AK8: variants seen among roughly 807,000 people sequenced by gnomAD.
AK8 encodes ATP-AMP transphosphorylase 8.
AK8 carries 44 observed loss-of-function variants against 54.6 expected under a neutral mutation model. The observed-to-expected ratio is 0.81, with a 90% confidence interval of 0.63 to 1.04. The LOEUF is 1.04. AK8 is among the 50% of genes least tolerant of loss of function. The pLI is 0.00. For missense variants in AK8, 555 were observed against 613.6 expected (o/e 0.90, Z 1.01); for synonymous variants, 239 against 245.6 (o/e 0.97, Z 0.25).
chr9:132,877,558 G>C (rs969021245), intron 1 of AK8, among the ~76,000 whole-genome samples: 1 of 152,208 alleles, frequency 6.6e-6, no homozygotes, highest in African/African-American at 2.4e-5. Context: ...GGCCCTGGCG[G>C]GGACGGGGCC....
chr9:132,745,774 G>A (rs568331596), intron 11 of AK8, among the ~76,000 whole-genome samples: 2 of 152,244 alleles, frequency 1.3e-5, no homozygotes, highest in Non-Finnish European at 2.9e-5. Context: ...CAATCCCCAA[G>A]CTAAGGGTTT....
intron 1 of AK8, among the ~76,000 whole-genome samples, chr9:132,877,297 G>C (rs1844161192): frequency 6.6e-6 from 1 of 152,208 alleles, no homozygotes; most frequent in African/African-American, 2.4e-5. Context: ...TTTGATGGAG[G>C]TGCAGACACG....
At chr9:132,798,378 A>T (rs967856414) in intron 10 of AK8, among the ~76,000 whole-genome samples, 1 of 152,184 alleles carries the variant, frequency 6.6e-6, no homozygotes. Flanking sequence ...CCAGCTCAGC[A>T]CAAAGCTGAG....
In AK8 at chr9:132,876,992, G is replaced by C. The variant is rs1350562376; in HGVS notation, c.84+1180C>G. ...AAGGCAGAAGGATTGCTTGAGCCCAGGAGTTCAAGGCTGCAGTAAGCCATG... is the reference window on the plus strand; with the variant it reads ...AAGGCAGAAGGATTGCTTGAGCCCACGAGTTCAAGGCTGCAGTAAGCCATG... On this transcript the variant is annotated intron_variant, in intron 1 of 12. Coordinates refer to ENST00000298545, the MANE Select transcript of AK8 (RefSeq NM_152572.3). 1.3e-5 allele frequency among the ~76,000 whole-genome samples: 2 copies of C among 152,178 alleles called. 1 individual carries two copies. Among genetic ancestry groups the C allele is most frequent in the South Asian group, 4.1e-4 (2 of 4,826 alleles).
chr9:132,820,930 T>C lies in AK8; in HGVS notation c.889+2275A>G, dbSNP rs1841569009. ...GGTTTACTTAAATCTCATGACATCT[T>C]GTATTTATCAAGAACACCTTTGAGA... On this transcript the variant is annotated intron_variant, in intron 9 of 12. Coordinates refer to ENST00000298545, the MANE Select transcript of AK8 (RefSeq NM_152572.3). Among the ~76,000 whole-genome samples, 6 of 152,202 alleles carry C rather than the reference T, an allele frequency of 3.9e-5. No individual in the cohort carries two copies. The South Asian group carries it at 1.2e-3, about 32-fold the overall frequency.
intron 9 of AK8, among the ~76,000 whole-genome samples, chr9:132,821,556 T>G (rs1173837509): frequency 6.6e-6 from 1 of 152,148 alleles, no homozygotes; most frequent in Non-Finnish European, 1.5e-5. Context: ...ATCTTCATTT[T>G]AGGTGTGTGA....
At chr9:132,857,134 C>T (rs553030342) in intron 4 of AK8, among the ~76,000 whole-genome samples, 7 of 152,278 alleles carry the variant, frequency 4.6e-5, no homozygotes, top group East Asian at 1.9e-4. Flanking sequence ...CTTATCCTAC[C>T]GCCCCCTTCC....
intron 11 of AK8, among the ~76,000 whole-genome samples, chr9:132,735,385 A>C (rs571660483): frequency 2.0e-5 from 3 of 152,294 alleles, no homozygotes; most frequent in African/African-American, 7.2e-5. Context: ...ATGTACAATA[A>C]CTGACTGCAA....
chr9:132,756,059 A>G (rs151218462), intron 11 of AK8, among the ~76,000 whole-genome samples: 1,748 of 152,206 alleles, frequency 0.011, 37 homozygotes, highest in African/African-American at 0.04. Flanking sequence ...GAGCCACCAC[A>G]CCTAGACTCA....
chr9:132,793,793 A>G lies in AK8; in HGVS notation c.980-1018T>C, dbSNP rs530326570. On this transcript the variant is annotated intron_variant, in intron 10 of 12. Transcript: ENST00000298545. ...TCCTGCACTTTGCACTCATTTTTCC[A>G]GAAATACTTGGTAAATATTACCATT... Among the ~76,000 whole-genome samples the G allele has an allele frequency of 4.6e-5, 7 of 152,274 alleles. No homozygotes were observed. The South Asian group carries it at 1.5e-3, about 32-fold the overall frequency.
intron 10 of AK8, among the ~76,000 whole-genome samples, chr9:132,804,913 G>A (rs749571053): frequency 1.3e-5 from 2 of 152,132 alleles, no homozygotes; most frequent in African/African-American, 2.4e-5. Flanking sequence ...TGCAGGCCCC[G>A]CTCACAGCCC....
chr9:132,763,428 C>T (rs1423544943), intron 11 of AK8, among the ~76,000 whole-genome samples: 2 of 152,228 alleles, frequency 1.3e-5, no homozygotes, highest in African/African-American at 4.8e-5. Flanking sequence ...AACACACACT[C>T]TTCAATTAAG....
At chr9:132,869,942 C>T (rs562365021) in intron 2 of AK8, among the ~76,000 whole-genome samples, 1 of 152,278 alleles carries the variant, frequency 6.6e-6, no homozygotes, top group Non-Finnish European at 1.5e-5. Context: ...TCCACTCATG[C>T]ACCATCGCCT....
intron 10 of AK8, among the ~76,000 whole-genome samples, chr9:132,797,417 A>C (rs1840225165): frequency 6.6e-6 from 1 of 152,176 alleles, no homozygotes; most frequent in Admixed American, 6.5e-5. Flanking sequence ...CTCACCAAGC[A>C]CTGAATCAGG....
At chr9:132,743,958 C>T (rs933114893) in intron 11 of AK8, among the ~76,000 whole-genome samples, 8 of 152,290 alleles carry the variant, frequency 5.3e-5, no homozygotes, top group South Asian at 2.1e-4. Context: ...CTGAAGTTGG[C>T]GGAGCCTTCC....
At chr9:132,726,833 A>C (rs1836597365) in intron 12 of AK8, among the ~76,000 whole-genome samples, 1 of 151,634 alleles carries the variant, frequency 6.6e-6, no homozygotes, top group African/African-American at 2.4e-5. Flanking sequence ...TCCCATGACA[A>C]ATCAGGTCTA....
chr9:132,817,254 C>T (rs431924), intron 9 of AK8, among the ~76,000 whole-genome samples: 30,975 of 152,068 alleles, frequency 0.2, 3,449 homozygotes, highest in East Asian at 0.44. Context: ...ATCCTCCAAA[C>T]TCAATACTCT....
At chr9:132,746,825 C>A (rs1264014307) in intron 11 of AK8, among the ~76,000 whole-genome samples, 1 of 152,110 alleles carries the variant, frequency 6.6e-6, no homozygotes, top group Non-Finnish European at 1.5e-5. Flanking sequence ...GAAAGAAGGG[C>A]CAACTGCACA....
intron 5 of AK8, among the ~76,000 whole-genome samples, chr9:132,847,150 C>T (rs1157893322): frequency 1.3e-5 from 2 of 152,182 alleles, no homozygotes; most frequent in Admixed American, 6.5e-5. Flanking sequence ...GAGAGCGGGC[C>T]GGGGGAAGAG....
Sources: gnomAD v4.1 joint callset for allele counts (sites outside exome capture counted in the v4.1 genomes callset) on GRCh38, gnomAD v4.1.1 for gene constraint, MANE v1.5 for transcripts, NCBI Gene and HGNC (gene_info 2026-07-23, HGNC 2026-07-21) for gene names.